The following ENOX1 variants were observed in gnomAD, a reference collection of about 807,000 sequenced individuals.
ENOX1 encodes the protein candidate growth-related and time keeping constitutive hydroquinone (NADH) oxidase.
In ENOX1, 42 loss-of-function variants were observed where a neutral mutation model predicts 82.5. That is an observed-to-expected ratio of 0.51 (90% CI 0.40 to 0.66). ENOX1 has a LOEUF of 0.66. ENOX1 is among the 30% of genes least tolerant of loss of function. ENOX1 has a pLI of 0.00. For missense variants in ENOX1, 608 were observed against 811.6 expected (o/e 0.75, Z 3.05); for synonymous variants, 271 against 282.2 (o/e 0.96, Z 0.40).
chr13:43,445,362 ATC>A, intron 3 of ENOX1, among the ~76,000 whole-genome samples: 1 of 152,150 alleles, frequency 6.6e-6, no homozygotes, highest in Non-Finnish European at 1.5e-5. Context: ...TGACCTCGTG[ATC>A]TGCCCGCCTT....
At chr13:43,718,676 C>CAAAAAAAAAAAAAAAAA (rs61671392) in intron 1 of ENOX1, among the ~76,000 whole-genome samples, 4 of 55,586 alleles carry the variant, frequency 7.2e-5, no homozygotes, top group African/African-American at 1.6e-4. Flanking sequence ...GACTCCGTCT[C>CAAAAAAAAAAAAAAAAA]AAAAAAAAAA....
At chr13:43,760,438 A>G (rs2153835165) in intron 1 of ENOX1, among the ~76,000 whole-genome samples, 1 of 152,104 alleles carries the variant, frequency 6.6e-6, no homozygotes, top group East Asian at 1.9e-4. Flanking sequence ...GAGGAACAGA[A>G]CTCCCACTGC....
At chr13:43,621,835 C>T (rs2082744324) in intron 2 of ENOX1, among the ~76,000 whole-genome samples, 1 of 152,040 alleles carries the variant, frequency 6.6e-6, no homozygotes, top group South Asian at 2.1e-4. Context: ...TCAATTATTC[C>T]CCCGAATATG....
At chr13:43,279,898 G>C (rs2045279678) in intron 12 of ENOX1, among the ~76,000 whole-genome samples, 1 of 152,208 alleles carries the variant, frequency 6.6e-6, no homozygotes, top group African/African-American at 2.4e-5. Context: ...CAGCCAACTT[G>C]AATTAACACC....
At chr13:43,706,310 A>G (rs1448514855) in intron 1 of ENOX1, among the ~76,000 whole-genome samples, 1 of 152,086 alleles carries the variant, frequency 6.6e-6, no homozygotes, top group Non-Finnish European at 1.5e-5. Flanking sequence ...ACAATGAAAT[A>G]GAAAAGAGAC....
rs183346743 is a variant in ENOX1, at chr13:43,565,180, C to T, written c.-218-81028G>A. Among the ~76,000 whole-genome samples, 29 of 152,130 alleles carry T rather than the reference C, an allele frequency of 1.9e-4. No homozygotes were observed. The East Asian group carries it at 3.7e-3, about 19-fold the overall frequency. ...GAGGAAGTGATATCTGAGTTGACAGCTGAATGATGAAGCAGAAGATAAGTA... is the reference window on the plus strand; with the variant it reads ...GAGGAAGTGATATCTGAGTTGACAGTTGAATGATGAAGCAGAAGATAAGTA... On this transcript the variant is annotated intron_variant, in intron 2 of 16. Coordinates refer to ENST00000690772, the MANE Select transcript of ENOX1 (RefSeq NM_001347969.2).
intron 1 of ENOX1, among the ~76,000 whole-genome samples, chr13:43,781,676 C>A (rs375127495): frequency 1.2e-3 from 188 of 152,224 alleles, no homozygotes; most frequent in Middle Eastern, 6.8e-3. Flanking sequence ...ACCATCCCGG[C>A]TAATTTTGTA....
chr13:43,651,970 CAAAAAAAA>C (rs35793831), intron 2 of ENOX1, among the ~76,000 whole-genome samples: 114 of 84,120 alleles, frequency 1.4e-3, no homozygotes, highest in African/African-American at 5.5e-3. Flanking sequence ...AACTTCGTCT[CAAAAAAAA>C]AAAAAAAAAA....
At position 43,346,804 on chromosome 13, in the gene ENOX1, C is replaced by T. The variant is rs139752617; in HGVS notation, c.824-2054G>A. 1.3e-4 allele frequency among the ~76,000 whole-genome samples: 20 copies of T among 152,242 alleles called. No individual in the cohort carries two copies. In the East Asian group the frequency reaches 3.7e-3, roughly 28 times the overall value. On this transcript the variant is annotated intron_variant, in intron 8 of 16. Transcript: ENST00000690772. ...TCCACACTCTCTACCTCTCTTCCCA[C>T]CAATATATGTTAGGAGAATGGACCT... is the stretch of plus-strand genomic sequence containing the variant.
At position 43,213,878 on chromosome 13, in the gene ENOX1, T is replaced by C. The variant is rs1379855459; in HGVS notation, c.*112A>G. The C allele has an allele frequency of 2.5e-6, 3 of 1,218,492 alleles. No homozygotes were observed. Among genetic ancestry groups the C allele is most frequent in the South Asian group, 1.7e-5 (1 of 59,948 alleles). The allele number at this position is 1,218,492 out of a possible 1,614,324, so 75.5% of individuals were successfully genotyped here. On this transcript the variant is annotated 3_prime_UTR_variant, in exon 17 of 17. Coordinates refer to ENST00000690772, the MANE Select transcript of ENOX1 (RefSeq NM_001347969.2). ...AGATATAACTAAAGGCAGGCTTCGATGGCTCCACAAAGGTTGCGTGCTGGA... is the reference window on the plus strand; with the variant it reads ...AGATATAACTAAAGGCAGGCTTCGACGGCTCCACAAAGGTTGCGTGCTGGA...
intron 12 of ENOX1, among the ~76,000 whole-genome samples, chr13:43,288,967 C>A (rs2045854705): frequency 1.3e-5 from 2 of 152,116 alleles, no homozygotes; most frequent in Admixed American, 6.5e-5. Context: ...ACCCTACTTA[C>A]AATAGCCACG....
At chr13:43,742,304 A>C (rs1405080751) in intron 1 of ENOX1, among the ~76,000 whole-genome samples, 1 of 152,112 alleles carries the variant, frequency 6.6e-6, no homozygotes, top group African/African-American at 2.4e-5. Flanking sequence ...TGAAGGGCTG[A>C]GGAGCCAGTA....
chr13:43,531,126 A>G (rs532929981), intron 2 of ENOX1, among the ~76,000 whole-genome samples: 9 of 152,170 alleles, frequency 5.9e-5, no homozygotes, highest in Non-Finnish European at 1.2e-4. Flanking sequence ...AAGAAGTAAA[A>G]ATAGTATTAT....
At chr13:43,221,433 T>C (rs2120755) in intron 16 of ENOX1, among the ~76,000 whole-genome samples, 145,391 of 152,198 alleles carry the variant, frequency 0.96, 69,834 homozygotes, top group East Asian at 1. Flanking sequence ...ATTTTCATCA[T>C]AGTGCTGCCT....
intron 9 of ENOX1, among the ~76,000 whole-genome samples, chr13:43,330,781 CCCT>C (rs2153533832): frequency 6.6e-6 from 1 of 152,272 alleles, no homozygotes; most frequent in South Asian, 2.1e-4. Context: ...GAGCTGCAAA[CCCT>C]CACTAGTGGT....
intron 8 of ENOX1, 72 bp downstream of exon 8, chr13:43,355,847 A>G (rs1228632248): frequency 7.0e-7 from 1 of 1,427,282 alleles, no homozygotes; most frequent in Admixed American, 1.8e-5. Flanking sequence ...TGGTGGACGC[A>G]GGAGAAACGC....
At chr13:43,663,806 C>T (rs1053459233) in intron 2 of ENOX1, among the ~76,000 whole-genome samples, 2 of 152,078 alleles carry the variant, frequency 1.3e-5, no homozygotes, top group Non-Finnish European at 2.9e-5. Flanking sequence ...GAAAGAATTA[C>T]AGAAATTTGA....
chr13:43,347,117 G>GC (rs2049440974), intron 8 of ENOX1, among the ~76,000 whole-genome samples: 3 of 151,644 alleles, frequency 2.0e-5, no homozygotes, highest in African/African-American at 7.3e-5. Context: ...TTTACTATCA[G>GC]GAAAAAAAAC....
intron 2 of ENOX1, among the ~76,000 whole-genome samples, chr13:43,580,102 T>G (rs894216471): frequency 1.3e-5 from 2 of 152,194 alleles, no homozygotes; most frequent in Non-Finnish European, 2.9e-5. Flanking sequence ...AGAATGAGAA[T>G]GAGTCAATGG....
Sources: allele counts gnomAD v4.1 joint callset (sites outside exome capture counted in the v4.1 genomes callset), GRCh38; gene constraint gnomAD v4.1.1; transcripts MANE v1.5; gene names NCBI Gene and HGNC (gene_info 2026-07-23, HGNC 2026-07-21).